The following DST variants were observed in gnomAD, a reference collection of about 807,000 sequenced individuals.
DST encodes the protein dystonin.
DST carries 253 observed loss-of-function variants against 875.2 expected under a neutral mutation model. That is an observed-to-expected ratio of 0.29 (90% CI 0.26 to 0.32). The LOEUF is 0.32. Among genes scored for constraint, DST ranks in the 10% least tolerant of loss-of-function variants. DST has a pLI of 1.00. For synonymous variants in DST, 3,124 were observed against 3,197.1 expected, an observed-to-expected ratio of 0.98 and a Z score of 0.77; for missense variants, 8,287 against 9,111.6, an observed-to-expected ratio of 0.91 and a Z score of 3.68.
chr6:56,546,927 T>A (rs904420255), intron 61 of DST, among the ~76,000 whole-genome samples: 3 of 152,198 alleles, frequency 2.0e-5, no homozygotes, highest in African/African-American at 7.2e-5. Flanking sequence ...TATAGGTTTA[T>A]CAAGGTAAAA....
chr6:56,537,599 A>G (rs1335673591), intron 61 of DST, among the ~76,000 whole-genome samples: 1 of 152,258 alleles, frequency 6.6e-6, no homozygotes, highest in East Asian at 1.9e-4. Flanking sequence ...CTCAAGAAAT[A>G]CAATGACCTC....
intron 80 of DST, among the ~76,000 whole-genome samples, chr6:56,499,842 C>A (rs551045997): frequency 1.7e-4 from 26 of 152,188 alleles, no homozygotes; most frequent in African/African-American, 6.0e-4. Context: ...GCTATAAACT[C>A]ACACCATGAG....
chr6:56,486,363 A>AG, intron 87 of DST, among the ~76,000 whole-genome samples: 1 of 82,470 alleles, frequency 1.2e-5, no homozygotes, highest in Non-Finnish European at 2.6e-5. Context: ...ACTCCGTCTC[A>AG]AAAAAAAAAA....
chr6:56,645,242 T>G (rs1166659699), intron 15 of DST, among the ~76,000 whole-genome samples: 1 of 152,144 alleles, frequency 6.6e-6, no homozygotes, highest in African/African-American at 2.4e-5. Flanking sequence ...AGGTACCAGG[T>G]TAAGACTGTA....
At chr6:56,595,739 C>G (rs1221233427) in intron 47 of DST, among the ~76,000 whole-genome samples, 1 of 151,858 alleles carries the variant, frequency 6.6e-6, no homozygotes, top group Non-Finnish European at 1.5e-5. Context: ...TTCTTTCCCA[C>G]AGACTTGTGT....
In DST at chr6:56,501,604, C is replaced by G. The variant is rs199549741; in HGVS notation, c.19656G>C (p.Glu6552Asp). 2.9e-4 allele frequency: 466 copies of G among 1,609,008 alleles called. 1 individual carries two copies. The highest frequency in any genetic ancestry group is 3.8e-4 in the Non-Finnish European group (442 of 1,177,808). Residue 6552 changes from glutamate to aspartate, a missense_variant, in exon 79 of 104, where the codon GAG (glutamate) becomes GAC (aspartate). Glu to Asp is a conservative substitution (Grantham distance 45). This residue lies in a region of DST where 1,292 missense variants were observed against 1,552.7 expected (regional missense o/e 0.83). Transcript: ENST00000680361. ...AELLLKKVTE[E>D]SDKHTVQDPL... ...GGTCTTGAACAGTGTGTTTGTCACT[C>G]TCTTCTGTTACTTTCTTTAGCAAAA...
At chr6:56,872,100 TGA>T (rs1777471605) in intron 3 of DST, among the ~76,000 whole-genome samples, 2 of 152,260 alleles carry the variant, frequency 1.3e-5, no homozygotes, top group Middle Eastern at 3.4e-3. Flanking sequence ...AAACTGCACA[TGA>T]ACAGTAAGAG....
chr6:56,853,152 G>A (rs1766122370), intron 3 of DST, among the ~76,000 whole-genome samples: 1 of 152,120 alleles, frequency 6.6e-6, no homozygotes, highest in African/African-American at 2.4e-5. Context: ...CCCCAAAAAA[G>A]CTGTCTTCCA....
intron 4 of DST, among the ~76,000 whole-genome samples, chr6:56,838,968 C>T (rs1562111566): frequency 2.6e-5 from 4 of 152,206 alleles, no homozygotes; most frequent in Non-Finnish European, 1.5e-5. Flanking sequence ...ACACTTTGCC[C>T]TCCATGTGCC....
chr6:56,938,104 CTCTCTA>C (rs1194916470), intron 2 of DST, among the ~76,000 whole-genome samples: 117 of 57,426 alleles, frequency 2.0e-3, no homozygotes, highest in Admixed American at 7.6e-3. Context: ...CTCTCTCTCT[CTCTCTA>C]TATATATATA....
In DST at chr6:56,856,225, C is replaced by T. The variant is rs535113864; in HGVS notation, c.418-4621G>A. 2.0e-5 allele frequency among the ~76,000 whole-genome samples: 3 copies of T among 152,148 alleles called. No homozygotes were observed. The South Asian group carries it at 6.2e-4, about 32-fold the overall frequency. ...TTTAACTGAAACCCCGGTGGGGGAT[C>T]TGAGATAAGTACAATGGAACTGCCT... On this transcript the variant is annotated intron_variant, in intron 3 of 103. Coordinates refer to ENST00000680361, the MANE Select transcript of DST (RefSeq NM_001374736.1).
chr6:56,646,108 T>C lies in DST; in HGVS notation c.1629A>G (p.Lys543=), dbSNP rs1423480471. Residue 543 remains lysine, a synonymous_variant, in exon 14 of 104, where the codon AAA becomes AAG. Coordinates refer to ENST00000680361, the MANE Select transcript of DST (RefSeq NM_001374736.1). ...PPKETEKSKI[K]RLYKLLEIWI... ...TTACCTCTAATAATTTATATAGACG[T>C]TTAATTTTTGATTTTTCTGTCTCCT... 3 of 1,548,182 alleles carry C rather than the reference T, an allele frequency of 1.9e-6. No homozygotes were observed. Among genetic ancestry groups the C allele is most frequent in the South Asian group, 1.2e-5 (1 of 83,802 alleles).
chr6:56,765,024 G>A (rs772541116), intron 4 of DST, among the ~76,000 whole-genome samples: 1 of 148,524 alleles, frequency 6.7e-6, no homozygotes, highest in Non-Finnish European at 1.5e-5. Flanking sequence ...AGAAGCAATA[G>A]GCACTAACTT....
chr6:56,870,273 G>C (rs1776388763), intron 3 of DST, among the ~76,000 whole-genome samples: 1 of 151,878 alleles, frequency 6.6e-6, no homozygotes, highest in Non-Finnish European at 1.5e-5. Context: ...AAAAACAGGA[G>C]GTAAGGAAAT....
At chr6:56,763,741 G>T (rs1439526208) in intron 4 of DST, among the ~76,000 whole-genome samples, 1 of 146,554 alleles carries the variant, frequency 6.8e-6, no homozygotes, top group African/African-American at 2.6e-5. Context: ...GGATGGGTGG[G>T]GGTGGGGGGG....
chr6:56,721,334 A>T (rs2099415750), intron 5 of DST, among the ~76,000 whole-genome samples: 1 of 152,260 alleles, frequency 6.6e-6, no homozygotes, highest in Admixed American at 6.5e-5. Context: ...TCCTGAGGCA[A>T]CATACATCCT....
chr6:56,952,378 T>C (rs557382669), intron 2 of DST, among the ~76,000 whole-genome samples: 1 of 152,330 alleles, frequency 6.6e-6, no homozygotes, highest in South Asian at 2.1e-4. Context: ...CTTTTTAAAA[T>C]CAAAATCTTA....
chr6:56,908,349 G>A (rs947373191), intron 2 of DST, among the ~76,000 whole-genome samples: 1 of 152,092 alleles, frequency 6.6e-6, no homozygotes, highest in African/African-American at 2.4e-5. Flanking sequence ...CAACGAACTT[G>A]GATGCAGAAA....
intron 28 of DST, among the ~76,000 whole-genome samples, 184 bp downstream of exon 28, chr6:56,632,670 A>G (rs1311514031): frequency 6.6e-6 from 1 of 152,190 alleles, no homozygotes; most frequent in East Asian, 1.9e-4. Flanking sequence ...TATCATTTGG[A>G]AACAAATTAA....
Sources: allele counts gnomAD v4.1 joint callset (sites outside exome capture counted in the v4.1 genomes callset), GRCh38; gene constraint gnomAD v4.1.1; regional missense constraint gnomAD v4.1.1; transcripts MANE v1.5; gene names NCBI Gene and HGNC (gene_info 2026-07-23, HGNC 2026-07-21).